The following DGAT1 variants were observed in gnomAD, a reference collection of about 807,000 sequenced individuals.
DGAT1 encodes ACAT related gene product 1.
DGAT1 carries 60 observed loss-of-function variants against 72.6 expected under a neutral mutation model. That is an observed-to-expected ratio of 0.83 (90% CI 0.67 to 1.02). The LOEUF (loss-of-function observed/expected upper bound fraction) is 1.02, where lower values mean the gene tolerates loss of function less well. DGAT1 is among the 50% of genes least tolerant of loss of function. DGAT1 has a pLI of 0.00. For synonymous variants in DGAT1, 290 were observed against 267.5 expected (o/e 1.08, Z -0.82); for missense variants, 592 against 670.0 (o/e 0.88, Z 1.29).
rs1347746066 is a variant in DGAT1, at chr8:144,315,481, AGGTCTG to A, written c.*1067_*1072del. On this transcript the variant is annotated 3_prime_UTR_variant, in exon 17 of 17. Coordinates refer to ENST00000528718, the MANE Select transcript of DGAT1 (RefSeq NM_012079.6). ...ACCTGCCTTGTTGGGCCATAGCTGC[AGGTCTG>A]GGGACACCAGGGCCTGGTCCAGTCT... 3 of 985,414 alleles carry A rather than the reference AGGTCTG, an allele frequency of 3.0e-6. No homozygotes were observed. The highest frequency in any genetic ancestry group is 3.6e-6 in the Non-Finnish European group (3 of 830,006). 61.0% of individuals were successfully genotyped at this position (985,414 alleles called of 1,614,324 possible). A position where few individuals can be genotyped will look rare whatever the true frequency, so the allele number is the denominator to read the frequency against.
At chr8:144,316,786 G>T (rs892130664) in intron 16 of DGAT1, 67 bp downstream of exon 16, 2 of 1,595,876 alleles carry the variant, frequency 1.3e-6, no homozygotes, top group Non-Finnish European at 8.5e-7. Context: ...GGCATGGGGA[G>T]GGTCAGCCGA....
In DGAT1 at chr8:144,315,412, G is replaced by GC. The variant is rs1293790064; in HGVS notation, c.*1141dup. 2.2e-5 allele frequency: 22 copies of GC among 985,502 alleles called. No homozygotes were observed. The highest frequency in any genetic ancestry group is 3.5e-5 in the African/African-American group (2 of 57,348). The allele number at this position is 985,502 out of a possible 1,614,324, so 61.0% of individuals were successfully genotyped here. ...ACCAGTTCAGCAGGTTGCTGATGAG[G>GC]CCCCTGGTGCAGTCCTGGGACCCTG... On this transcript the variant is annotated 3_prime_UTR_variant, in exon 17 of 17. Transcript: ENST00000528718.
chr8:144,324,237 G>A (rs1266663831), intron 1 of DGAT1, among the ~76,000 whole-genome samples: 3 of 152,214 alleles, frequency 2.0e-5, no homozygotes, highest in Admixed American at 6.5e-5. Context: ...GTGTCCGTGA[G>A]GGGAGGAGGC....
chr8:144,323,571 C>T (rs1383312552), intron 1 of DGAT1, among the ~76,000 whole-genome samples: 6 of 152,192 alleles, frequency 3.9e-5, no homozygotes, highest in African/African-American at 1.4e-4. Flanking sequence ...GTGCCTAGAG[C>T]ACCTTTATCA....
Position 144,315,160 on chromosome 8 carries a change from T to G in DGAT1, c.*1394A>C. On this transcript the variant is annotated 3_prime_UTR_variant, in exon 17 of 17. Transcript: ENST00000528718. ...GTGGAGCAGGCTTTGCTGCTTTATC[T>G]GGCAGCAACAGTTTGTTCTCGAGCT... The G allele has an allele frequency of 1.0e-6, 1 of 985,482 alleles. No homozygotes were observed. The allele number at this position is 985,482 out of a possible 1,614,324, so 61.0% of individuals were successfully genotyped here.
Position 144,317,649 on chromosome 8 carries a change from C to T in DGAT1, c.936+22G>A, listed in dbSNP as rs2130516002. On this transcript the variant is annotated intron_variant, in intron 11 of 16. Coordinates refer to ENST00000528718, the MANE Select transcript of DGAT1 (RefSeq NM_012079.6). ...GGTCACTCCCCAGCCACCCCAGCTG[C>T]AAGAGCACCTGAGCCACTCACCTTG... The T allele has an allele frequency of 2.5e-6, 4 of 1,613,896 alleles. No individual in the cohort carries two copies. The East Asian group carries it at 6.7e-5, about 27-fold the overall frequency.
intron 16 of DGAT1, 59 bp downstream of exon 16, chr8:144,316,794 C>T (rs1187024992): frequency 1.2e-5 from 19 of 1,596,194 alleles, no homozygotes; most frequent in Non-Finnish European, 1.4e-5. Context: ...GAGGGTCAGC[C>T]GAGGGGTTCA....
At chr8:144,319,673 G>A (rs1554847896) in intron 2 of DGAT1, among the ~76,000 whole-genome samples, 1 of 152,170 alleles carries the variant, frequency 6.6e-6, no homozygotes, top group African/African-American at 2.4e-5. Flanking sequence ...CGCCCTCTAA[G>A]CCTTGGACAC....
rs1456684008 is a variant in DGAT1 at position 144,318,640 on chromosome 8, T to C, written c.468+59A>G. ...AGGGCTGCCAGGCCTGGGGAGCAGC[T>C]CCTCCCAGGAGCGCACACAGCAGGG... On this transcript the variant is annotated intron_variant, in intron 5 of 16. Transcript: ENST00000528718. 4 of 1,604,830 alleles carry C rather than the reference T, an allele frequency of 2.5e-6. No homozygotes were observed. The African/African-American group carries it at 4.0e-5, about 16-fold the overall frequency.
At position 144,318,547 on chromosome 8, in the gene DGAT1, G is replaced by A. The variant is rs563377054; in HGVS notation, c.488C>T (p.Ala163Val). ...GTTGGCCACGTGCAGCAGCAGTCCC[G>A]CCTGCTCCGTCAGGGCACCCTGGAG... ...RLAVGALTEQ[A>V]GLLLHVANLA... Residue 163 changes from alanine (A) to valine (V), a missense_variant, in exon 6 of 17, where the codon GCG becomes GTG. Physicochemically the swap from Ala to Val is moderately conservative, Grantham distance 64 (BLOSUM62 0). Transcript: ENST00000528718. 6.9e-5 allele frequency: 111 copies of A among 1,611,828 alleles called. 1 individual carries two copies. Among genetic ancestry groups the A allele is most frequent in the African/African-American group, 2.4e-4 (18 of 75,050 alleles).
At chr8:144,325,073 GAA>G (rs1264600220) in intron 1 of DGAT1, among the ~76,000 whole-genome samples, 2 of 151,188 alleles carry the variant, frequency 1.3e-5, no homozygotes, top group Non-Finnish European at 3.0e-5. Flanking sequence ...CAAAAAAAAA[GAA>G]AAGAAAAAAA....
chr8:144,325,550 C>T (rs1278164418), intron 1 of DGAT1, among the ~76,000 whole-genome samples: 1 of 152,250 alleles, frequency 6.6e-6, no homozygotes, highest in African/African-American at 2.4e-5. Flanking sequence ...CTGAGGGCCC[C>T]TGGGCCAGGG....
rs200575588 is a variant in DGAT1 at position 144,316,725 on chromosome 8, C to T, written c.1312-16G>A. ...CCAGTGGGATCTAGGGAGTGAGGGG[C>T]CAAGTCAGTCGGCCATGGTGACCAC... On this transcript the variant is annotated splice_polypyrimidine_tract_variant and intron_variant, in intron 16 of 16. Coordinates refer to ENST00000528718, the MANE Select transcript of DGAT1 (RefSeq NM_012079.6). 18 of 1,608,868 alleles carry T rather than the reference C, an allele frequency of 1.1e-5. No individual in the cohort carries two copies. The African/African-American group carries it at 2.0e-4, about 18-fold the overall frequency.
intron 16 of DGAT1, 24 bp from the exon 17 acceptor site, chr8:144,316,733 G>T (rs376020168): frequency 4.4e-6 from 7 of 1,607,892 alleles, no homozygotes; most frequent in African/African-American, 4.0e-5. Context: ...GGCCAAGTCA[G>T]TCGGCCATGG....
At position 144,318,867 on chromosome 8, in the gene DGAT1, G is replaced by T. The variant is rs782328055; in HGVS notation, c.383C>A (p.Pro128His). Reference sequence around the variant, plus strand: ...CAGGCATGGGGCGGGCCAGCTATAGGGATCCTTCAGGAACAGAGAAACCAC... The same window carrying T: ...CAGGCATGGGGCGGGCCAGCTATAGTGATCCTTCAGGAACAGAGAAACCAC... ...IQVVSLFLKDPYSWPAPCLVI... is the reference protein window; with the variant it reads ...IQVVSLFLKDHYSWPAPCLVI... The change falls in exon 4 of 17, where the codon CCC becomes CAC. Residue 128 changes from proline to histidine, a missense_variant. Pro to His is a moderately conservative substitution (Grantham distance 77, BLOSUM62 -2). Transcript: ENST00000528718. 1 of 1,612,316 alleles carries T rather than the reference G, an allele frequency of 6.2e-7. No homozygotes were observed. Among genetic ancestry groups the T allele is most frequent in the Admixed American group, 1.7e-5 (1 of 59,924 alleles).
In DGAT1 at chr8:144,318,652, C is replaced by T. The variant is rs147320090; in HGVS notation, c.468+47G>A. On this transcript the variant is annotated intron_variant, in intron 5 of 16. Transcript: ENST00000528718. ...CCTGGGGAGCAGCTCCTCCCAGGAG[C>T]GCACACAGCAGGGTGAGCACACACG... 1.1e-3 allele frequency: 1,700 copies of T among 1,605,924 alleles called. 21 individuals are homozygous for T. The African/African-American group carries it at 0.02, about 19-fold the overall frequency.
Position 144,326,469 on chromosome 8 carries a change from G to A in DGAT1, c.168C>T (p.Asp56=). Residue 56 remains aspartate, a synonymous_variant, in exon 1 of 17, where the codon GAC becomes GAT. Coordinates refer to ENST00000528718, the MANE Select transcript of DGAT1 (RefSeq NM_012079.6). ...APAPAPNKDG[D]AGVGSGHWEL... Reference sequence around the variant, plus strand: ...CCCAGTGGCCGCTGCCCACGCCGGCGTCTCCGTCCTTGTTGGGGGCCGGGG... The same window carrying A: ...CCCAGTGGCCGCTGCCCACGCCGGCATCTCCGTCCTTGTTGGGGGCCGGGG... The A allele has an allele frequency of 3.7e-6, 5 of 1,340,262 alleles. No homozygotes were observed. The highest frequency in any genetic ancestry group is 4.8e-6 in the Non-Finnish European group (5 of 1,036,802). 83.0% of individuals were successfully genotyped at this position (1,340,262 alleles called of 1,614,324 possible).
chr8:144,317,679 G>A lies in DGAT1; in HGVS notation c.928C>T (p.Pro310Ser), dbSNP rs1298473057. Reference sequence around the variant, plus strand: ...GCACCTGAGCCACTCACCTTGAAGGGCTTCATGGAGTTCTGGATGGTGGGG... The same window carrying A: ...GCACCTGAGCCACTCACCTTGAAGGACTTCATGGAGTTCTGGATGGTGGGG... ...MVPTIQNSMK[P>S]FKDMDYSRII... Residue 310 changes from proline to serine, a missense_variant, in exon 11 of 17, where the codon CCC (proline) becomes TCC (serine). Pro to Ser is a moderately conservative substitution (Grantham distance 74). Transcript: ENST00000528718. The A allele has an allele frequency of 1.2e-6, 2 of 1,613,650 alleles. No individual in the cohort carries two copies. Among genetic ancestry groups the A allele is most frequent in the African/African-American group, 1.3e-5 (1 of 74,904 alleles).
rs782707652 is a variant in DGAT1 at position 144,318,096 on chromosome 8, G to A, written c.750C>T (p.Arg250=). The A allele has an allele frequency of 2.9e-5, 45 of 1,530,056 alleles. No individual in the cohort carries two copies. In the Middle Eastern group the frequency reaches 5.3e-4, roughly 18 times the overall value. 94.8% of individuals were successfully genotyped at this position (1,530,056 alleles called of 1,614,324 possible). A position where few individuals can be genotyped will look rare whatever the true frequency, so the allele number is the denominator to read the frequency against. The stretch of plus-strand genomic sequence containing the variant: ...CCTCAGGCCCACAGAGGTCCTCACC[G>A]CGGTAGGTCAGATTGTCCGGGTAGC... ...TVSYPDNLTY[R]DLYYFLFAPT... The change falls in exon 8 of 17, where the codon CGC becomes CGT. Residue 250 remains arginine (R), a splice_region_variant and synonymous_variant. Transcript: ENST00000528718.
Sources: gnomAD v4.1 joint callset for allele counts (sites outside exome capture counted in the v4.1 genomes callset) on GRCh38, gnomAD v4.1.1 for gene constraint, MANE v1.5 for transcripts, NCBI Gene and HGNC (gene_info 2026-07-23, HGNC 2026-07-21) for gene names.